Variants in ADCY8 observed in about 807,000 individuals in gnomAD.
ADCY8 encodes adenylate cyclase type 8.
Under a neutral mutation model 119.7 loss-of-function variants are expected in ADCY8, and 51 were observed. The ratio of observed to expected loss-of-function variants is 0.43; its 90% CI spans 0.34 to 0.54. ADCY8 has a LOEUF of 0.54. Among genes scored for constraint, ADCY8 ranks in the 20% least tolerant of loss-of-function variants. ADCY8 has a pLI of 0.03. For synonymous variants in ADCY8, 665 were observed against 651.0 expected, an observed-to-expected ratio of 1.02 and a Z score of -0.33; for missense variants, 1,383 against 1,598.8, an observed-to-expected ratio of 0.87 and a Z score of 2.30.
chr8:131,040,177 C>T lies in ADCY8; in HGVS notation c.157G>A (p.Gly53Arg), dbSNP rs765822672. The change falls in exon 1 of 18, where the codon GGG becomes AGG. Residue 53 changes from glycine (G) to arginine (R), a missense_variant. Transcript: ENST00000286355. ...RHITEQRFIH[G>R]HRGGSGSGSG... The stretch of plus-strand genomic sequence containing the variant: ...CCGCTGCCGCTGCCTCCCCGGTGCC[C>T]GTGAATGAAGCGCTGCTCCGTGATG... 1 of 1,534,308 alleles carries T rather than the reference C, an allele frequency of 6.5e-7. No homozygotes were observed. The highest frequency in any genetic ancestry group is 1.2e-5 in the South Asian group (1 of 84,012).
chr8:130,934,625 G>A (rs1029434758), intron 5 of ADCY8, among the ~76,000 whole-genome samples: 1 of 152,130 alleles, frequency 6.6e-6, no homozygotes, highest in East Asian at 1.9e-4. Context: ...AGTTTTCAGG[G>A]AAAAACTCTC....
At chr8:130,857,532 T>A (rs1472340775) in intron 9 of ADCY8, among the ~76,000 whole-genome samples, 2 of 152,210 alleles carry the variant, frequency 1.3e-5, no homozygotes, top group Non-Finnish European at 2.9e-5. Context: ...ATTTTACTGG[T>A]GTGTACTTAG....
At chr8:130,947,434 A>G (rs1821137976) in intron 3 of ADCY8, among the ~76,000 whole-genome samples, 1 of 152,228 alleles carries the variant, frequency 6.6e-6, no homozygotes, top group East Asian at 1.9e-4. Context: ...TTCTCAATAA[A>G]TGAAGGGTAT....
At chr8:131,035,079 A>C (rs1824108570) in intron 1 of ADCY8, among the ~76,000 whole-genome samples, 1 of 152,198 alleles carries the variant, frequency 6.6e-6, no homozygotes, top group Admixed American at 6.5e-5. Flanking sequence ...TTTTGTAATG[A>C]ATTTCCTGGT....
chr8:130,895,440 C>G (rs1479268391), intron 7 of ADCY8, among the ~76,000 whole-genome samples: 1 of 152,110 alleles, frequency 6.6e-6, no homozygotes, highest in Non-Finnish European at 1.5e-5. Context: ...CTTCCTTAGT[C>G]TACCCCAGGA....
chr8:130,972,459 G>T (rs79097882), intron 2 of ADCY8, among the ~76,000 whole-genome samples: 2,644 of 152,246 alleles, frequency 0.017, 80 homozygotes, highest in African/African-American at 0.059. Flanking sequence ...TGATTCATTT[G>T]CTTTGTAAGG....
intron 1 of ADCY8, among the ~76,000 whole-genome samples, chr8:131,014,985 A>G (rs897793996): frequency 6.6e-6 from 1 of 151,922 alleles, no homozygotes; most frequent in African/African-American, 2.4e-5. Flanking sequence ...GACGTATTTC[A>G]GAGAGAAAGG....
chr8:131,015,799 T>G (rs1439414396), intron 1 of ADCY8, among the ~76,000 whole-genome samples: 1 of 152,194 alleles, frequency 6.6e-6, no homozygotes, highest in African/African-American at 2.4e-5. Flanking sequence ...ACAACTTCTC[T>G]ACGCACATAG....
chr8:131,023,302 T>C (rs1823731013), intron 1 of ADCY8, among the ~76,000 whole-genome samples: 1 of 152,182 alleles, frequency 6.6e-6, no homozygotes, highest in African/African-American at 2.4e-5. Context: ...CAATAAATTA[T>C]TGCCACATAT....
intron 2 of ADCY8, among the ~76,000 whole-genome samples, chr8:130,971,000 T>C (rs1176903624): frequency 6.6e-6 from 1 of 152,204 alleles, no homozygotes; most frequent in Non-Finnish European, 1.5e-5. Flanking sequence ...TTGTGAAGAC[T>C]TGGCACGTAG....
intron 13 of ADCY8, 108 bp downstream of exon 13, chr8:130,821,234 T>G: frequency 1.2e-6 from 1 of 834,816 alleles, no homozygotes; most frequent in Admixed American, 2.4e-5. Context: ...GAACCACAAC[T>G]TGCCACAGGC....
chr8:130,942,843 C>T (rs1202100766), intron 4 of ADCY8, among the ~76,000 whole-genome samples: 1 of 152,214 alleles, frequency 6.6e-6, no homozygotes, highest in Non-Finnish European at 1.5e-5. Flanking sequence ...TAGCTCTGAT[C>T]AAGACAGCTG....
intron 1 of ADCY8, among the ~76,000 whole-genome samples, chr8:131,011,428 GA>G (rs1187564418): frequency 1.3e-5 from 2 of 152,126 alleles, no homozygotes; most frequent in Admixed American, 1.3e-4. Context: ...GATGGGACCT[GA>G]AAGAATCAAG....
At chr8:130,917,812 G>A (rs547689746) in intron 5 of ADCY8, among the ~76,000 whole-genome samples, 1 of 151,742 alleles carries the variant, frequency 6.6e-6, no homozygotes, top group East Asian at 1.9e-4. Context: ...AACCATTGGT[G>A]CTTCTTTTAT....
intron 7 of ADCY8, among the ~76,000 whole-genome samples, chr8:130,897,649 T>G (rs1029550450): frequency 1.6e-3 from 1 of 628 alleles, no homozygotes; most frequent in African/African-American, 5.3e-3. Flanking sequence ...GGTGAGCAAG[T>G]GACCCACATA....
chr8:130,917,528 A>T (rs1820165247), intron 5 of ADCY8, among the ~76,000 whole-genome samples: 1 of 152,196 alleles, frequency 6.6e-6, no homozygotes, highest in African/African-American at 2.4e-5. Flanking sequence ...TAGGGAGAGA[A>T]AAGTGAGAGC....
At chr8:130,852,224 TC>T (rs1371645829) in intron 9 of ADCY8, among the ~76,000 whole-genome samples, 6 of 152,318 alleles carry the variant, frequency 3.9e-5, no homozygotes, top group African/African-American at 1.4e-4. Context: ...AAGTGACTCC[TC>T]CCACAGCCTC....
rs150050928 is a variant in ADCY8, at chr8:130,875,735, TA to T, written c.2110-7790del. ...TATGATTCATTTTTCTTGAAGTTTTTAAAGCCTCCATTTAACTTTGATTTTC... is the reference window on the plus strand; with the variant it reads ...TATGATTCATTTTTCTTGAAGTTTTTAAGCCTCCATTTAACTTTGATTTTC... On this transcript the variant is annotated intron_variant, in intron 8 of 17. Transcript: ENST00000286355. Among the ~76,000 whole-genome samples, 123 of 152,316 alleles carry T rather than the reference TA, an allele frequency of 8.1e-4. 2 individuals are homozygous for T. The East Asian group carries it at 0.022, about 28-fold the overall frequency.
rs1438445728 is a variant in ADCY8 at position 130,904,001 on chromosome 8, C to T, written c.1682G>A (p.Gly561Asp). ...ATGGCCCTCTTCCACGTTATAGTCA[C>T]CGTTGAGACAGTCCAGCGTGGCTTT... Reference protein sequence around the residue: ...ISKATLDCLNGDYNVEEGHGK... With the variant: ...ISKATLDCLNDDYNVEEGHGK... Residue 561 changes from glycine to aspartate, a missense_variant, in exon 7 of 18, where the codon GGT becomes GAT. Physicochemically the swap from Gly to Asp is moderately conservative, Grantham distance 94 (BLOSUM62 -1). Coordinates refer to ENST00000286355, the MANE Select transcript of ADCY8 (RefSeq NM_001115.3). 2.5e-6 allele frequency: 4 copies of T among 1,614,102 alleles called. No homozygotes were observed. The highest frequency in any genetic ancestry group is 2.7e-5 in the African/African-American group (2 of 75,054).
Sources: gnomAD v4.1 joint callset for allele counts (sites outside exome capture counted in the v4.1 genomes callset) on GRCh38, gnomAD v4.1.1 for gene constraint, MANE v1.5 for transcripts, NCBI Gene and HGNC (gene_info 2026-07-23, HGNC 2026-07-21) for gene names.